The following SLC8A3 variants were observed in gnomAD, a reference collection of about 807,000 sequenced individuals.
The protein encoded by SLC8A3 is sodium/calcium exchanger 3.
SLC8A3 carries 37 observed loss-of-function variants against 65.4 expected under a neutral mutation model. The observed-to-expected ratio is 0.57, with a 90% confidence interval of 0.44 to 0.74. The LOEUF (loss-of-function observed/expected upper bound fraction) is 0.74. SLC8A3 is among the 30% of genes least tolerant of loss of function. The pLI is 0.00. For synonymous variants in SLC8A3, 461 were observed against 444.5 expected, an observed-to-expected ratio of 1.04 and a Z score of -0.47; for missense variants, 1,112 against 1,172.1, an observed-to-expected ratio of 0.95 and a Z score of 0.75.
intron 2 of SLC8A3, among the ~76,000 whole-genome samples, chr14:70,132,365 T>C (rs1194257662): frequency 6.6e-6 from 1 of 152,198 alleles, no homozygotes; most frequent in Non-Finnish European, 1.5e-5. Context: ...TTAGTGAGAG[T>C]CCTAATATGT....
At chr14:70,074,920 C>T (rs892810817) in intron 2 of SLC8A3, among the ~76,000 whole-genome samples, 2 of 152,158 alleles carry the variant, frequency 1.3e-5, no homozygotes, top group African/African-American at 4.8e-5. Context: ...TCCTCTGATG[C>T]CTTGTGGTGT....
At chr14:70,074,041 TTGAC>T (rs1488780954) in intron 2 of SLC8A3, among the ~76,000 whole-genome samples, 1 of 152,224 alleles carries the variant, frequency 6.6e-6, no homozygotes, top group African/African-American at 2.4e-5. Context: ...AGACATTTTC[TTGAC>T]TGAACCCATC....
chr14:70,189,313 A>T (rs2140481378), upstream of SLC8A3, among the ~76,000 whole-genome samples: 1 of 152,288 alleles, frequency 6.6e-6, no homozygotes, highest in South Asian at 2.1e-4. Context: ...CCTGACCTGG[A>T]TTCCGCCGAG....
intron 1 of SLC8A3, among the ~76,000 whole-genome samples, chr14:70,174,673 T>G (rs1168697834): frequency 0.011 from 1,345 of 125,930 alleles, 32 homozygotes; most frequent in African/African-American, 0.033. Context: ...TTTTTTTTTT[T>G]TTTTTTTTTT....
At chr14:70,057,170 T>C (rs1888221999) in intron 3 of SLC8A3, among the ~76,000 whole-genome samples, 1 of 152,106 alleles carries the variant, frequency 6.6e-6, no homozygotes, top group African/African-American at 2.4e-5. Flanking sequence ...GGATCCAGAG[T>C]CTGCATGATA....
intron 2 of SLC8A3, among the ~76,000 whole-genome samples, chr14:70,144,379 C>T (rs1412464470): frequency 6.9e-6 from 1 of 144,624 alleles, no homozygotes; most frequent in East Asian, 2.0e-4. Context: ...CCTGTAATCC[C>T]AGCACTTTGG....
chr14:70,151,216 T>C (rs1337229575), intron 2 of SLC8A3, among the ~76,000 whole-genome samples: 1 of 147,874 alleles, frequency 6.8e-6, no homozygotes, highest in Non-Finnish European at 1.5e-5. Flanking sequence ...ATCGTGCCAC[T>C]GCACTCCAGC....
chr14:70,185,899 C>T (rs1867832253), intron 1 of SLC8A3, among the ~76,000 whole-genome samples: 1 of 152,180 alleles, frequency 6.6e-6, no homozygotes, highest in South Asian at 2.1e-4. Flanking sequence ...TTAGCACATG[C>T]CTGACAGAGT....
intron 2 of SLC8A3, among the ~76,000 whole-genome samples, chr14:70,128,710 C>A (rs552480844): frequency 6.6e-6 from 1 of 152,154 alleles, no homozygotes; most frequent in Admixed American, 6.5e-5. Flanking sequence ...AACATGTTTC[C>A]TCTTCACTAA....
intron 1 of SLC8A3, among the ~76,000 whole-genome samples, chr14:70,185,336 C>G (rs1478343523): frequency 6.6e-6 from 1 of 152,208 alleles, no homozygotes; most frequent in Non-Finnish European, 1.5e-5. Context: ...TTTCCCAAAT[C>G]CTGATCATGG....
chr14:70,074,017 T>G (rs1183547417), intron 2 of SLC8A3, among the ~76,000 whole-genome samples: 1 of 152,162 alleles, frequency 6.6e-6, no homozygotes, highest in Non-Finnish European at 1.5e-5. Flanking sequence ...GCATGGGAGA[T>G]TAGCTGATTC....
intron 2 of SLC8A3, among the ~76,000 whole-genome samples, chr14:70,126,207 A>T (rs1224761498): frequency 2.6e-5 from 4 of 152,184 alleles, no homozygotes; most frequent in Non-Finnish European, 5.9e-5. Flanking sequence ...CATTGGAAAC[A>T]TTACTTCTTC....
chr14:70,161,263 T>C (rs1307117219), intron 2 of SLC8A3, among the ~76,000 whole-genome samples: 17 of 105,872 alleles, frequency 1.6e-4, no homozygotes, highest in Non-Finnish European at 2.4e-4. Flanking sequence ...CACTCCAGCC[T>C]GGGCGACAGA....
At chr14:70,178,295 A>G (rs1373370000) in intron 1 of SLC8A3, among the ~76,000 whole-genome samples, 1 of 152,230 alleles carries the variant, frequency 6.6e-6, no homozygotes, top group Non-Finnish European at 1.5e-5. Flanking sequence ...GGGAATAACC[A>G]TTTGTGGATT....
intron 1 of SLC8A3, among the ~76,000 whole-genome samples, chr14:70,182,851 G>C (rs1286314102): frequency 6.6e-6 from 1 of 152,180 alleles, no homozygotes; most frequent in East Asian, 1.9e-4. Context: ...TCAGATAAGA[G>C]ATGGAACTGG....
intron 1 of SLC8A3, among the ~76,000 whole-genome samples, chr14:70,180,439 G>A (rs1246305760): frequency 2.3e-4 from 35 of 152,150 alleles, no homozygotes; most frequent in Non-Finnish European, 5.9e-5. Flanking sequence ...GGTGCTAGGA[G>A]CAGATTCCTC....
intron 2 of SLC8A3, among the ~76,000 whole-genome samples, chr14:70,158,967 C>A (rs988666711): frequency 3.3e-5 from 5 of 152,186 alleles, no homozygotes; most frequent in Admixed American, 6.5e-5. Context: ...CTAGAATGTG[C>A]AGAATTTAAA....
chr14:70,117,049 T>C (rs1407255686), intron 2 of SLC8A3, among the ~76,000 whole-genome samples: 3 of 152,236 alleles, frequency 2.0e-5, no homozygotes, highest in Non-Finnish European at 4.4e-5. Flanking sequence ...ATTACCTGTG[T>C]TCTCCAGGGG....
chr14:70,144,632 A>G (rs1055672961), intron 2 of SLC8A3, among the ~76,000 whole-genome samples: 1 of 151,308 alleles, frequency 6.6e-6, no homozygotes, highest in Non-Finnish European at 1.5e-5. Context: ...TCCACCTAAA[A>G]AAAAAAAAAG....
Sources: allele counts gnomAD v4.1 joint callset (sites outside exome capture counted in the v4.1 genomes callset), GRCh38; gene constraint gnomAD v4.1.1; transcripts MANE v1.5; gene names NCBI Gene and HGNC (gene_info 2026-07-23, HGNC 2026-07-21).